Variants in NKAIN1 observed in about 807,000 individuals in gnomAD.
NKAIN1 encodes the protein sodium/potassium transporting ATPase interacting 1, also known as sodium/potassium-transporting ATPase subunit beta-1-interacting protein 1.
NKAIN1 carries 13 observed loss-of-function variants against 31.6 expected under a neutral mutation model. The ratio of observed to expected loss-of-function variants is 0.41; its 90% CI spans 0.27 to 0.65. NKAIN1 has a LOEUF of 0.65. Ranked by LOEUF, NKAIN1 falls within the 30% of genes least tolerant of loss-of-function variation. NKAIN1 has a pLI of 0.30. For missense variants in NKAIN1, 193 were observed against 262.2 expected, an observed-to-expected ratio of 0.74 and a Z score of 1.82; for synonymous variants, 104 against 109.0, an observed-to-expected ratio of 0.95 and a Z score of 0.28.
In NKAIN1 at chr1:31,239,719, C is replaced by T. The variant is rs1645720593; in HGVS notation, c.-172G>A. 6.6e-6 allele frequency among the ~76,000 whole-genome samples: 1 copy of T among 150,442 alleles called. No homozygotes were observed. Among genetic ancestry groups the T allele is most frequent in the South Asian group, 2.1e-4 (1 of 4,826 alleles). On this transcript the variant is annotated 5_prime_UTR_variant, in exon 1 of 7. Coordinates refer to ENST00000373736, the MANE Select transcript of NKAIN1 (RefSeq NM_024522.3). This position sits in a 1 kb window ranked among gnomAD's most constrained non-coding sequence, Gnocchi z 4.8. ...CGGTCCCCAAGGCTGGGGCCGGCCG[C>T]CCGCGCTCCGAGTCCATGGTCCGTC... is the stretch of plus-strand genomic sequence containing the variant.
intron 1 of NKAIN1, among the ~76,000 whole-genome samples, chr1:31,222,125 C>T (rs549065165): frequency 3.3e-5 from 5 of 152,294 alleles, no homozygotes; most frequent in Admixed American, 6.5e-5. Context: ...GGAATCCACC[C>T]GCCTCGGCCT....
chr1:31,205,021 C>T (rs549521941), intron 1 of NKAIN1, among the ~76,000 whole-genome samples: 1 of 152,292 alleles, frequency 6.6e-6, no homozygotes, highest in African/African-American at 2.4e-5. Flanking sequence ...TCGGTTTCCT[C>T]AACTGTAAAA....
At chr1:31,189,404 C>A (rs926693314) in intron 1 of NKAIN1, among the ~76,000 whole-genome samples, 1 of 152,214 alleles carries the variant, frequency 6.6e-6, no homozygotes, top group African/African-American at 2.4e-5. Context: ...GCAACATCCA[C>A]CTGCCAGGTT....
chr1:31,230,091 G>C (rs914944446), intron 1 of NKAIN1, among the ~76,000 whole-genome samples: 1 of 152,114 alleles, frequency 6.6e-6, no homozygotes, highest in African/African-American at 2.4e-5. Flanking sequence ...AAGAAGAACT[G>C]CTGCTCCAGC....
At chr1:31,212,511 C>T (rs57911768) in intron 1 of NKAIN1, among the ~76,000 whole-genome samples, 1 of 151,718 alleles carries the variant, frequency 6.6e-6, no homozygotes, top group South Asian at 2.1e-4. Context: ...CTCAAGTGAT[C>T]CTCCCACCTC....
chr1:31,179,842 C>T lies in NKAIN1; in HGVS notation c.*1861G>A. ...TCCCAGTGAAAAGAGAACCTGGTCC[C>T]CTTGCAAAAACCATCTTATAAAAAC... On this transcript the variant is annotated 3_prime_UTR_variant, in exon 7 of 7. Coordinates refer to ENST00000373736, the MANE Select transcript of NKAIN1 (RefSeq NM_024522.3). 6.6e-6 allele frequency: 1 copy of T among 152,256 alleles called. No homozygotes were observed. The highest frequency in any genetic ancestry group is 1.9e-4 in the East Asian group (1 of 5,192). 9.4% of individuals were successfully genotyped at this position (152,256 alleles called of 1,614,324 possible). A position where few individuals can be genotyped will look rare whatever the true frequency, so the allele number is the denominator to read the frequency against.
chr1:31,232,424 TAGAGAGAGAGAGAG>T (rs34605060), intron 1 of NKAIN1, among the ~76,000 whole-genome samples: 13 of 16,916 alleles, frequency 7.7e-4, no homozygotes, highest in African/African-American at 1.7e-3. Flanking sequence ...TATATATATA[TAGAGAGAGAGAGAG>T]AGAGAGAGAG....
chr1:31,225,033 C>CTTTTCTTTTTTT lies in NKAIN1; in HGVS notation c.54+14460_54+14461insAAAAAAAGAAAA, dbSNP rs542671307. Reference sequence around the variant, plus strand: ...AGCCCATTTCTTTTTCTTTTCTTTTCTTTTTTTTTTTTTGAGACGGACTCT... The same window carrying CTTTTCTTTTTTT: ...AGCCCATTTCTTTTTCTTTTCTTTTCTTTTCTTTTTTTTTTTTTTTTTTTTGAGACGGACTCT... On this transcript the variant is annotated intron_variant, in intron 1 of 6. Transcript: ENST00000373736. Among the ~76,000 whole-genome samples the CTTTTCTTTTTTT allele has an allele frequency of 1.2e-4, 14 of 112,130 alleles. 1 individual carries two copies. Among genetic ancestry groups the CTTTTCTTTTTTT allele is most frequent in the Non-Finnish European group, 2.4e-4 (14 of 58,500 alleles). 73.6% of individuals were successfully genotyped at this position (112,130 alleles called of 152,430 possible).
Position 31,180,585 on chromosome 1 carries a change from C to T in NKAIN1, c.*1118G>A, listed in dbSNP as rs1199112606. On this transcript the variant is annotated 3_prime_UTR_variant, in exon 7 of 7. Coordinates refer to ENST00000373736, the MANE Select transcript of NKAIN1 (RefSeq NM_024522.3). ...GGCAGCGCTGACCAGCATTGCTCCT[C>T]TCTGAAACCACAAGCCTTCCAACTG... The T allele has an allele frequency of 6.6e-6, 1 of 152,442 alleles. No individual in the cohort carries two copies. The highest frequency in any genetic ancestry group is 1.5e-5 in the Non-Finnish European group (1 of 68,228). 9.4% of individuals were successfully genotyped at this position (152,442 alleles called of 1,614,324 possible).
chr1:31,223,178 A>G (rs1348771900), intron 1 of NKAIN1, among the ~76,000 whole-genome samples: 1 of 151,988 alleles, frequency 6.6e-6, no homozygotes, highest in Non-Finnish European at 1.5e-5. Flanking sequence ...GGAGTTTGAG[A>G]CCAGCCTGGC....
At position 31,214,806 on chromosome 1, in the gene NKAIN1, G is replaced by A. The variant is rs180756866; in HGVS notation, c.54+24688C>T. Among the ~76,000 whole-genome samples, 126 of 152,336 alleles carry A rather than the reference G, an allele frequency of 8.3e-4. 1 individual carries two copies. The highest frequency in any genetic ancestry group is 3.1e-3 in the Admixed American group (47 of 15,302). On this transcript the variant is annotated intron_variant, in intron 1 of 6. Transcript: ENST00000373736. Reference sequence around the variant, plus strand: ...GAGGGAGATGGACATAATAGCAGGCGCTGGAGAGGACCCAGGTGGCTAGAG... The same window carrying A: ...GAGGGAGATGGACATAATAGCAGGCACTGGAGAGGACCCAGGTGGCTAGAG...
In NKAIN1 at chr1:31,180,977, GTCAGAAAC is replaced by G. The variant is rs1645192808; in HGVS notation, c.*718_*725del. 2.0e-5 allele frequency: 3 copies of G among 152,188 alleles called. No homozygotes were observed. Among genetic ancestry groups the G allele is most frequent in the Admixed American group, 2.0e-4 (3 of 15,274 alleles). 9.4% of individuals were successfully genotyped at this position (152,188 alleles called of 1,614,324 possible). A position where few individuals can be genotyped will look rare whatever the true frequency, so the allele number is the denominator to read the frequency against. On this transcript the variant is annotated 3_prime_UTR_variant, in exon 7 of 7. Transcript: ENST00000373736. ...CAGAGAGCAGACACTGGGTTTTACA[GTCAGAAAC>G]TGCAGAAAGTACACTGTGTTCAAGG...
intron 1 of NKAIN1, among the ~76,000 whole-genome samples, chr1:31,231,845 A>G (rs1645652259): frequency 6.6e-6 from 1 of 151,312 alleles, no homozygotes; most frequent in Non-Finnish European, 1.5e-5. Context: ...AATTGTTTTA[A>G]TTTTTAGCTC....
Position 31,239,823 on chromosome 1 carries a change from C to T in NKAIN1, c.-276G>A, listed in dbSNP as rs1301920750. Among the ~76,000 whole-genome samples the T allele has an allele frequency of 6.6e-6, 1 of 151,922 alleles. No individual in the cohort carries two copies. The highest frequency in any genetic ancestry group is 1.5e-5 in the Non-Finnish European group (1 of 67,932). On this transcript the variant is annotated 5_prime_UTR_variant, in exon 1 of 7. Coordinates refer to ENST00000373736, the MANE Select transcript of NKAIN1 (RefSeq NM_024522.3). This position sits in a 1 kb window ranked among gnomAD's most constrained non-coding sequence, Gnocchi z 4.8. The stretch of plus-strand genomic sequence containing the variant: ...GTCAGGCGCGCCTCCTGCCCCGGGG[C>T]GGCTGGCGGGGAGCGCGGAGCAAGG...
intron 1 of NKAIN1, among the ~76,000 whole-genome samples, chr1:31,204,926 G>C (rs1257259683): frequency 2.0e-5 from 3 of 152,176 alleles, no homozygotes; most frequent in African/African-American, 7.2e-5. Context: ...GTAATTATCA[G>C]CTCAGGCTCT....
At chr1:31,235,585 A>T (rs140117682) in intron 1 of NKAIN1, among the ~76,000 whole-genome samples, 109 of 152,210 alleles carry the variant, frequency 7.2e-4, no homozygotes, top group African/African-American at 2.5e-3. Flanking sequence ...GCAGTGGGTT[A>T]TGATTGCCAC....
chr1:31,217,076 G>A (rs778627799), intron 1 of NKAIN1, among the ~76,000 whole-genome samples: 21 of 152,190 alleles, frequency 1.4e-4, no homozygotes, highest in African/African-American at 3.1e-4. Context: ...ATGTTGGCCA[G>A]GCTGGTCTTG....
intron 1 of NKAIN1, among the ~76,000 whole-genome samples, chr1:31,227,590 C>G (rs1645617516): frequency 6.6e-6 from 1 of 152,074 alleles, no homozygotes; most frequent in Non-Finnish European, 1.5e-5. Context: ...GTGCAGAGAC[C>G]CTGCAGTCCA....
intron 1 of NKAIN1, among the ~76,000 whole-genome samples, chr1:31,195,892 C>CAAA (rs35343235): frequency 1.5e-4 from 18 of 118,062 alleles, no homozygotes; most frequent in East Asian, 8.2e-4. Context: ...CTACCTGTCT[C>CAAA]AAAAAAAAAA....
Sources: allele counts gnomAD v4.1 joint callset (sites outside exome capture counted in the v4.1 genomes callset), GRCh38; gene constraint gnomAD v4.1.1; non-coding constraint Gnocchi (gnomAD v3.1); transcripts MANE v1.5; gene names NCBI Gene and HGNC (gene_info 2026-07-23, HGNC 2026-07-21).